Variants in MARCHF1 observed in about 807,000 individuals in gnomAD.
The protein encoded by MARCHF1 is membrane associated ring-CH-type finger 1, also known as E3 ubiquitin-protein ligase MARCHF1.
Under a neutral mutation model 54.2 loss-of-function variants are expected in MARCHF1, and 40 were observed. The ratio of observed to expected loss-of-function variants is 0.74; its 90% CI spans 0.57 to 0.96. MARCHF1 has a LOEUF of 0.96. Ranked by LOEUF, MARCHF1 falls within the 40% of genes least tolerant of loss-of-function variation. The pLI is 0.00. For missense variants in MARCHF1, 586 were observed against 656.5 expected, an observed-to-expected ratio of 0.89 and a Z score of 1.17; for synonymous variants, 236 against 236.3, an observed-to-expected ratio of 1.00 and a Z score of 0.01.
chr4:164,156,215 T>A (rs1730072937), intron 1 of MARCHF1, among the ~76,000 whole-genome samples: 1 of 152,116 alleles, frequency 6.6e-6, no homozygotes, highest in African/African-American at 2.4e-5. Flanking sequence ...CTCCAAAAAA[T>A]TTTTCTCGCA....
At chr4:164,355,816 G>T (rs1730509311) in intron 1 of MARCHF1, among the ~76,000 whole-genome samples, 1 of 106,990 alleles carries the variant, frequency 9.3e-6, no homozygotes. Context: ...ACTACCATCA[G>T]AGTGAACAGG....
intron 1 of MARCHF1, among the ~76,000 whole-genome samples, chr4:164,276,097 T>C (rs1733874524): frequency 6.6e-6 from 1 of 152,168 alleles, no homozygotes; most frequent in Non-Finnish European, 1.5e-5. Flanking sequence ...TTTGAAAAAC[T>C]ACCTATTTTC....
intron 1 of MARCHF1, among the ~76,000 whole-genome samples, chr4:164,274,244 A>G (rs1733815251): frequency 6.6e-6 from 1 of 152,226 alleles, no homozygotes; most frequent in Admixed American, 6.5e-5. Context: ...ATCGTATTTT[A>G]TACGTACATT....
At chr4:163,679,836 G>A (rs1744041751) in intron 5 of MARCHF1, among the ~76,000 whole-genome samples, 1 of 151,828 alleles carries the variant, frequency 6.6e-6, no homozygotes, top group Non-Finnish European at 1.5e-5. Context: ...TCCTGACCTC[G>A]TGATCCGCCC....
At chr4:163,643,687 C>T (rs1311264792) in intron 5 of MARCHF1, among the ~76,000 whole-genome samples, 1 of 152,118 alleles carries the variant, frequency 6.6e-6, no homozygotes. Flanking sequence ...TATTGTTCCT[C>T]TTTTTGTAAT....
rs200182175 is a variant in MARCHF1, at chr4:164,213,203, T to TTTATTATTA, written c.-322-101550_-322-101542dup. ...AATTACTTTTCTCTGGGCTTTTACT[T>TTTATTATTA]TTATTATTATTATTATTATTATTAT... On this transcript the variant is annotated intron_variant, in intron 1 of 9. Coordinates refer to ENST00000514618, the MANE Select transcript of MARCHF1 (RefSeq NM_001394959.1). Among the ~76,000 whole-genome samples, 979 of 141,772 alleles carry TTTATTATTA rather than the reference T, an allele frequency of 6.9e-3. 10 individuals carry two copies. Among genetic ancestry groups the TTTATTATTA allele is most frequent in the African/African-American group, 0.014 (548 of 39,016 alleles). 93.0% of individuals were successfully genotyped at this position (141,772 alleles called of 152,430 possible). A position where few individuals can be genotyped will look rare whatever the true frequency, so the allele number is the denominator to read the frequency against.
intron 2 of MARCHF1, among the ~76,000 whole-genome samples, chr4:163,989,285 T>C (rs1752927728): frequency 2.1e-5 from 2 of 93,724 alleles, no homozygotes; most frequent in Admixed American, 2.3e-4. Flanking sequence ...GAATGAGGTG[T>C]TGAGAGAGAG....
chr4:163,898,281 A>T (rs1459153477), intron 3 of MARCHF1, among the ~76,000 whole-genome samples: 1 of 152,122 alleles, frequency 6.6e-6, no homozygotes, highest in Non-Finnish European at 1.5e-5. Flanking sequence ...AAATATTTGT[A>T]AATTATGCCT....
intron 3 of MARCHF1, among the ~76,000 whole-genome samples, chr4:163,904,715 T>C (rs1751018344): frequency 6.6e-6 from 1 of 151,976 alleles, no homozygotes; most frequent in African/African-American, 2.4e-5. Context: ...GTTTTTTACT[T>C]GAAGGAGTTT....
chr4:163,588,142 G>C (rs897726018), intron 7 of MARCHF1, among the ~76,000 whole-genome samples: 1 of 152,126 alleles, frequency 6.6e-6, no homozygotes, highest in Non-Finnish European at 1.5e-5. Context: ...GGAAGTGCTG[G>C]GATGAGAACA....
At chr4:163,996,315 ATTC>A (rs1313951880) in intron 2 of MARCHF1, among the ~76,000 whole-genome samples, 3 of 152,068 alleles carry the variant, frequency 2.0e-5, no homozygotes, top group African/African-American at 4.8e-5. Context: ...GTCAATATAT[ATTC>A]TTCTTTCTAT....
At chr4:163,854,801 C>A (rs1749729277) in intron 3 of MARCHF1, among the ~76,000 whole-genome samples, 1 of 152,142 alleles carries the variant, frequency 6.6e-6, no homozygotes, top group Admixed American at 6.6e-5. Context: ...TTCCACAACT[C>A]TTTCTAGACT....
At chr4:163,862,937 T>A (rs1247194820) in intron 3 of MARCHF1, among the ~76,000 whole-genome samples, 1 of 152,074 alleles carries the variant, frequency 6.6e-6, no homozygotes, top group Admixed American at 6.6e-5. Context: ...TAAATGCATA[T>A]TGCTACATTA....
At chr4:163,779,364 G>C (rs147979042) in intron 4 of MARCHF1, among the ~76,000 whole-genome samples, 450 of 152,250 alleles carry the variant, frequency 3.0e-3, no homozygotes, top group African/African-American at 0.01. Context: ...ATCCCAGCTG[G>C]GAAATTGGAA....
At chr4:163,997,834 G>T (rs1032682281) in intron 2 of MARCHF1, among the ~76,000 whole-genome samples, 1 of 150,844 alleles carries the variant, frequency 6.6e-6, no homozygotes, top group African/African-American at 2.4e-5. Flanking sequence ...TCAGCTTGTG[G>T]AAAAAAAAGT....
At chr4:164,185,919 A>C (rs57593133) in intron 1 of MARCHF1, among the ~76,000 whole-genome samples, 1 of 151,912 alleles carries the variant, frequency 6.6e-6, no homozygotes, top group Non-Finnish European at 1.5e-5. Flanking sequence ...TTGAGATGGA[A>C]TCTCGCTCTT....
At chr4:163,786,871 A>C (rs576338673) in intron 4 of MARCHF1, among the ~76,000 whole-genome samples, 1 of 152,010 alleles carries the variant, frequency 6.6e-6, no homozygotes, top group Non-Finnish European at 1.5e-5. Flanking sequence ...ACAATGTGGT[A>C]CTGGCATAAA....
chr4:163,997,429 T>C (rs1753098497), intron 2 of MARCHF1, among the ~76,000 whole-genome samples: 1 of 151,950 alleles, frequency 6.6e-6, no homozygotes, highest in African/African-American at 2.4e-5. Flanking sequence ...ATTATGACAA[T>C]TTGAGCTCTG....
At chr4:164,368,786 G>C (rs1224866889) in intron 1 of MARCHF1, among the ~76,000 whole-genome samples, 1 of 152,108 alleles carries the variant, frequency 6.6e-6, no homozygotes, top group Non-Finnish European at 1.5e-5. Flanking sequence ...CCACAGTAAG[G>C]AGAAAAAGAA....
Sources: allele counts gnomAD v4.1 joint callset (sites outside exome capture counted in the v4.1 genomes callset), GRCh38; gene constraint gnomAD v4.1.1; transcripts MANE v1.5; gene names NCBI Gene and HGNC (gene_info 2026-07-23, HGNC 2026-07-21).